MSANTD3: variants seen among roughly 807,000 people sequenced by gnomAD.
MSANTD3 encodes the protein Myb/SANT DNA binding domain containing 3, also known as myb/SANT-like DNA-binding domain-containing protein 3.
Under a neutral mutation model 27.7 loss-of-function variants are expected in MSANTD3, and 11 were observed. The observed-to-expected ratio is 0.40, with a 90% CI of 0.25 to 0.66. The LOEUF is 0.66. Ranked by LOEUF, MSANTD3 falls within the 30% of genes least tolerant of loss-of-function variation. The pLI, the probability that MSANTD3 is intolerant of heterozygous loss-of-function variation, is 0.41. For synonymous variants in MSANTD3, 131 were observed against 127.2 expected (o/e 1.03, Z -0.20); for missense variants, 250 against 336.5 (o/e 0.74, Z 2.01).
chr9:100,434,044 A>G (rs138964579), intron 1 of MSANTD3, among the ~76,000 whole-genome samples: 105 of 152,182 alleles, frequency 6.9e-4, no homozygotes, highest in African/African-American at 2.5e-3. Flanking sequence ...CATGTGCATT[A>G]TGTCTTCATG....
chr9:100,444,767 C>T (rs1587792570), intron 2 of MSANTD3: 1 of 157,828 alleles, frequency 6.3e-6, no homozygotes, highest in Non-Finnish European at 1.4e-5. Flanking sequence ...GTTCATCCCA[C>T]AGAGTTTTTT....
chr9:100,448,161 A>T (rs1357510506), intron 2 of MSANTD3: 2 of 949,970 alleles, frequency 2.1e-6, no homozygotes, highest in Non-Finnish European at 2.5e-6. Context: ...ACTGCCCTCC[A>T]GCCTGGGTGA....
Position 100,450,782 on chromosome 9 carries a change from T to C in MSANTD3, c.644T>C (p.Met215Thr). 6.2e-7 allele frequency: 1 copy of C among 1,613,944 alleles called. No individual in the cohort carries two copies. Among genetic ancestry groups the C allele is most frequent in the South Asian group, 1.1e-5 (1 of 91,044 alleles). The stretch of plus-strand genomic sequence containing the variant: ...ATCTTACAACTGCAACTGATACAAA[T>C]GAATGAGGTGCATGTGGCCAAAATC... ...MSILQLQLIQ[M>T]NEVHVAKIQQ... is the part of the protein sequence containing the mutation. Residue 215 changes from methionine (M) to threonine (T), a missense_variant, in exon 3 of 3, where the codon ATG becomes ACG. Transcript: ENST00000395067.
At chr9:100,444,948 A>T in intron 2 of MSANTD3, 2 of 477,582 alleles carry the variant, frequency 4.2e-6, no homozygotes, top group Non-Finnish European at 7.5e-6. Context: ...TACATAGATG[A>T]CACTGGGGAC....
intron 1 of MSANTD3, among the ~76,000 whole-genome samples, chr9:100,431,667 T>A (rs73655540): frequency 0.15 from 22,536 of 152,120 alleles, 1,873 homozygotes; most frequent in Middle Eastern, 0.21. Context: ...TGAAGATAGA[T>A]ATAAAATGTA....
chr9:100,441,811 A>G lies in MSANTD3; in HGVS notation c.-33-95A>G, dbSNP rs894726037. 6.0e-6 allele frequency: 8 copies of G among 1,335,074 alleles called. No homozygotes were observed. The African/African-American group carries it at 1.2e-4, about 20-fold the overall frequency. The allele number at this position is 1,335,074 out of a possible 1,614,324, so 82.7% of individuals were successfully genotyped here. A position where few individuals can be genotyped will look rare whatever the true frequency, so the allele number is the denominator to read the frequency against. On this transcript the variant is annotated intron_variant, in intron 1 of 2. Transcript: ENST00000395067. ...AATGGAAAAGAAAGTACTGTATTTC[A>G]GACAAGGGAATCAAGTCAGGAATTA...
At position 100,432,254 on chromosome 9, in the gene MSANTD3, C is replaced by T. The variant is rs915369559; in HGVS notation, c.-34+4861C>T. Among the ~76,000 whole-genome samples the T allele has an allele frequency of 4.6e-5, 7 of 152,008 alleles. No homozygotes were observed. In the East Asian group the frequency reaches 1.3e-3, roughly 29 times the overall value. ...GTGCTAGGCTTGACTGGAAAGCTCT[C>T]GAAAAGGAAAGAAAGAAGGTAGAGA... On this transcript the variant is annotated intron_variant, in intron 1 of 2. Coordinates refer to ENST00000395067, the MANE Select transcript of MSANTD3 (RefSeq NM_080655.3).
chr9:100,449,701 C>T (rs1053514346), intron 2 of MSANTD3, among the ~76,000 whole-genome samples: 1 of 152,056 alleles, frequency 6.6e-6, no homozygotes, highest in African/African-American at 2.4e-5. Context: ...AAAGGAAGGT[C>T]AGAATCAGGT....
At chr9:100,442,777 C>A (rs1288918345) in intron 2 of MSANTD3, among the ~76,000 whole-genome samples, 13 of 148,348 alleles carry the variant, frequency 8.8e-5, no homozygotes, top group Non-Finnish European at 1.6e-4. Context: ...CCACTGCACT[C>A]CAGCCTGGGT....
At chr9:100,442,914 A>C (rs974962200) in intron 2 of MSANTD3, among the ~76,000 whole-genome samples, 1 of 152,030 alleles carries the variant, frequency 6.6e-6, no homozygotes, top group East Asian at 1.9e-4. Flanking sequence ...ATAAAGAAAA[A>C]TAAGGGACTG....
chr9:100,441,681 C>T (rs1836626663), intron 1 of MSANTD3, among the ~76,000 whole-genome samples: 1 of 152,074 alleles, frequency 6.6e-6, no homozygotes, highest in South Asian at 2.1e-4. Context: ...CTGTTATATA[C>T]CAGATAGTCA....
At chr9:100,439,176 T>C (rs1836545213) in intron 1 of MSANTD3, among the ~76,000 whole-genome samples, 3 of 152,138 alleles carry the variant, frequency 2.0e-5, no homozygotes, top group Admixed American at 2.0e-4. Flanking sequence ...GTCACCCTCA[T>C]GTAAAGACCA....
intron 1 of MSANTD3, among the ~76,000 whole-genome samples, chr9:100,430,167 G>A (rs1323005626): frequency 1.3e-5 from 2 of 151,558 alleles, no homozygotes; most frequent in Non-Finnish European, 2.9e-5. Flanking sequence ...CATTTTAGAA[G>A]GAAGCCGTTA....
intron 2 of MSANTD3, among the ~76,000 whole-genome samples, chr9:100,447,517 A>C (rs1479059297): frequency 6.6e-6 from 1 of 152,232 alleles, no homozygotes; most frequent in African/African-American, 2.4e-5. Context: ...AATGCAGGAT[A>C]CACGCCCATA....
intron 1 of MSANTD3, among the ~76,000 whole-genome samples, chr9:100,428,985 G>A (rs545785463): frequency 6.6e-6 from 1 of 152,142 alleles, no homozygotes; most frequent in Non-Finnish European, 1.5e-5. Flanking sequence ...AGGAGCTGAG[G>A]ACTTCACCCC....
chr9:100,448,984 A>G (rs1195146945), intron 2 of MSANTD3: 1 of 985,234 alleles, frequency 1.0e-6, no homozygotes, highest in African/African-American at 1.7e-5. Context: ...ACAGGGTATT[A>G]TGAGTTAGGT....
At chr9:100,443,732 G>A (rs1836686816) in intron 2 of MSANTD3, among the ~76,000 whole-genome samples, 1 of 152,236 alleles carries the variant, frequency 6.6e-6, no homozygotes, top group Non-Finnish European at 1.5e-5. Flanking sequence ...CTCTAGGCAA[G>A]GGGAGGGTGG....
intron 2 of MSANTD3, among the ~76,000 whole-genome samples, chr9:100,446,396 G>A (rs1161106158): frequency 2.0e-5 from 3 of 151,966 alleles, no homozygotes; most frequent in Admixed American, 2.0e-4. Context: ...CTCTTCTCCT[G>A]CATCTGAATC....
At chr9:100,445,015 C>T in intron 2 of MSANTD3, 3 of 587,400 alleles carry the variant, frequency 5.1e-6, no homozygotes, top group South Asian at 2.3e-5. Flanking sequence ...CTCCTGTGTC[C>T]AGGTCCCATC....
Sources: gnomAD v4.1 joint callset for allele counts (sites outside exome capture counted in the v4.1 genomes callset) on GRCh38, gnomAD v4.1.1 for gene constraint, MANE v1.5 for transcripts, NCBI Gene and HGNC (gene_info 2026-07-23, HGNC 2026-07-21) for gene names.